Variants in NPAS2 observed in about 807,000 individuals in gnomAD.
NPAS2 encodes neuronal PAS domain protein 2, also known as neuronal PAS domain-containing protein 2.
In NPAS2, 23 loss-of-function variants were observed where a neutral mutation model predicts 107.5. That is an observed-to-expected ratio of 0.21 (90% CI 0.15 to 0.30). The LOEUF (loss-of-function observed/expected upper bound fraction) is 0.30. NPAS2 is among the 10% of genes least tolerant of loss of function. The pLI is 1.00. For missense variants in NPAS2, 756 were observed against 1,043.3 expected (o/e 0.72, Z 3.79); for synonymous variants, 403 against 417.5 (o/e 0.97, Z 0.42).
At position 100,974,845 on chromosome 2, in the gene NPAS2, C is replaced by G. The variant is rs746212435; in HGVS notation, c.1183C>G (p.Leu395Val). The G allele has an allele frequency of 2.1e-5, 34 of 1,614,140 alleles. No homozygotes were observed. Among genetic ancestry groups the G allele is most frequent in the Non-Finnish European group, 2.9e-5 (34 of 1,180,002 alleles). ...GGAACCTCGGCAGCACTTTAACACA[C>G]TCGACGTGGGTGCCTCGGGCCTTAA... ...SLEPRQHFNT[L>V]DVGASGLNTS... The change falls in exon 13 of 21, where the codon CTC becomes GTC. Residue 395 changes from leucine to valine, a missense_variant. Coordinates refer to ENST00000335681, the MANE Select transcript of NPAS2 (RefSeq NM_002518.4).
At chr2:100,929,239 A>G (rs765691305) in intron 3 of NPAS2, among the ~76,000 whole-genome samples, 1 of 152,186 alleles carries the variant, frequency 6.6e-6, no homozygotes, top group Non-Finnish European at 1.5e-5. Flanking sequence ...CATTGCACAG[A>G]TGAGACACAC....
chr2:100,966,468 TATTTTCAGTGCCA>T (rs1233963907), intron 10 of NPAS2, among the ~76,000 whole-genome samples: 1 of 152,174 alleles, frequency 6.6e-6, no homozygotes, highest in Non-Finnish European at 1.5e-5. Flanking sequence ...CTTACAGCTG[TATTTTCAGTGCCA>T]ACTCTTAACT....
chr2:100,952,324 T>C (rs1675275049), intron 7 of NPAS2, among the ~76,000 whole-genome samples: 1 of 151,946 alleles, frequency 6.6e-6, no homozygotes, highest in African/African-American at 2.4e-5. Flanking sequence ...ATGACAACAG[T>C]GCACACACTT....
chr2:100,847,749 G>A (rs1472639506), intron 1 of NPAS2, among the ~76,000 whole-genome samples: 1 of 152,236 alleles, frequency 6.6e-6, no homozygotes, highest in Non-Finnish European at 1.5e-5. Context: ...AAAGGTTGTA[G>A]TGAAGTTTTC....
At chr2:100,947,566 C>A (rs9798323) in intron 5 of NPAS2, among the ~76,000 whole-genome samples, 86,057 of 148,330 alleles carry the variant, frequency 0.58, 25,192 homozygotes, top group African/African-American at 0.67. Flanking sequence ...AAAAAAAAAA[C>A]AAATTAAAAT....
chr2:100,860,769 T>C (rs1383995409), intron 1 of NPAS2, among the ~76,000 whole-genome samples: 1 of 152,230 alleles, frequency 6.6e-6, no homozygotes, highest in African/African-American at 2.4e-5. Flanking sequence ...TCCAGCTGGC[T>C]TCTGACGTGT....
chr2:100,916,972 A>T (rs982814435), intron 2 of NPAS2, among the ~76,000 whole-genome samples: 1 of 152,200 alleles, frequency 6.6e-6, no homozygotes, highest in Non-Finnish European at 1.5e-5. Context: ...ATTTTAGCTA[A>T]ATAAAAATGA....
intron 2 of NPAS2, among the ~76,000 whole-genome samples, chr2:100,916,582 A>G (rs1299414860): frequency 6.6e-6 from 1 of 152,212 alleles, no homozygotes; most frequent in Non-Finnish European, 1.5e-5. Context: ...ACACCTAAAA[A>G]CAAAGCTTCA....
chr2:100,965,240 T>A lies in NPAS2; in HGVS notation c.800+297T>A, dbSNP rs781598017. Among the ~76,000 whole-genome samples the A allele has an allele frequency of 5.9e-5, 9 of 152,196 alleles. No individual in the cohort carries two copies. Among genetic ancestry groups the A allele is most frequent in the Non-Finnish European group, 1.0e-4 (7 of 68,036 alleles). On this transcript the variant is annotated intron_variant, in intron 9 of 20. Transcript: ENST00000335681. This position sits in a 1 kb window ranked among gnomAD's most constrained non-coding sequence, Gnocchi z 4.3. ...GGCAGCAGCAAGTGTGAGAGAAATC[T>A]CTCATCTCATTTTTTTCAACATCCT...
At chr2:100,858,096 A>T (rs1270024738) in intron 1 of NPAS2, among the ~76,000 whole-genome samples, 1 of 152,236 alleles carries the variant, frequency 6.6e-6, no homozygotes, top group East Asian at 1.9e-4. Context: ...CTAGACAAAG[A>T]GGCCAGGGGT....
intron 7 of NPAS2, among the ~76,000 whole-genome samples, chr2:100,951,598 T>C (rs1675225428): frequency 6.6e-6 from 1 of 152,204 alleles, no homozygotes; most frequent in Non-Finnish European, 1.5e-5. Context: ...ACAAATATTG[T>C]ATGATTTTAC....
At chr2:100,942,482 G>T (rs1424649483) in intron 5 of NPAS2, among the ~76,000 whole-genome samples, 1 of 152,088 alleles carries the variant, frequency 6.6e-6, no homozygotes, top group Non-Finnish European at 1.5e-5. Context: ...CTGCAGCTTA[G>T]AGTTGATCAT....
chr2:100,961,700 A>G (rs1222159773), intron 7 of NPAS2, among the ~76,000 whole-genome samples: 1 of 152,212 alleles, frequency 6.6e-6, no homozygotes, highest in Non-Finnish European at 1.5e-5. Context: ...CCCTCGAAGA[A>G]GCAACCAGGG....
rs1464420229 is a variant in NPAS2 at position 100,820,333 on chromosome 2, C to G, written c.-104C>G. The G allele has an allele frequency of 1.4e-5, 2 of 147,420 alleles. No individual in the cohort carries two copies. Among genetic ancestry groups the G allele is most frequent in the African/African-American group, 2.5e-5 (1 of 40,762 alleles). 9.1% of individuals were successfully genotyped at this position (147,420 alleles called of 1,614,324 possible). A position where few individuals can be genotyped will look rare whatever the true frequency, so the allele number is the denominator to read the frequency against. ...AGCTCGCCGCGCCCGCTCGCCGCCT[C>G]GTCTCCCAGCGGCGGCGGGAGGCGC... On this transcript the variant is annotated 5_prime_UTR_variant, in exon 1 of 21. Transcript: ENST00000335681. This position sits in a 1 kb window ranked among gnomAD's most constrained non-coding sequence, Gnocchi z 5.6.
At chr2:100,938,760 G>A (rs1242951544) in intron 5 of NPAS2, among the ~76,000 whole-genome samples, 1 of 152,054 alleles carries the variant, frequency 6.6e-6, no homozygotes, top group Non-Finnish European at 1.5e-5. Flanking sequence ...CCTGTTCCTA[G>A]GCGGCAGCTT....
intron 1 of NPAS2, among the ~76,000 whole-genome samples, chr2:100,835,561 G>T (rs1241937547): frequency 6.6e-6 from 1 of 152,180 alleles, no homozygotes; most frequent in Non-Finnish European, 1.5e-5. Context: ...TCATTATTCT[G>T]TTCCTTGCTG....
chr2:100,903,614 G>A (rs1286169675), intron 1 of NPAS2, among the ~76,000 whole-genome samples: 2 of 152,166 alleles, frequency 1.3e-5, no homozygotes, highest in Non-Finnish European at 2.9e-5. Context: ...TGCTGGTTTG[G>A]GAGTTCCGAC....
At chr2:100,838,421 G>C (rs574709115) in intron 1 of NPAS2, among the ~76,000 whole-genome samples, 1 of 152,024 alleles carries the variant, frequency 6.6e-6, no homozygotes, top group Non-Finnish European at 1.5e-5. Flanking sequence ...GGGATTACAG[G>C]CACCCACCAC....
chr2:100,904,614 C>T, intron 1 of NPAS2, 119 bp from the exon 2 acceptor site: 1 of 709,548 alleles, frequency 1.4e-6, no homozygotes, highest in South Asian at 2.0e-5. Flanking sequence ...CCAGGACCAA[C>T]AAGTTTGAGA....
Sources: allele counts gnomAD v4.1 joint callset (sites outside exome capture counted in the v4.1 genomes callset), GRCh38; gene constraint gnomAD v4.1.1; non-coding constraint Gnocchi (gnomAD v3.1); transcripts MANE v1.5; gene names NCBI Gene and HGNC (gene_info 2026-07-23, HGNC 2026-07-21).